The following DGKI variants were observed in gnomAD, a reference collection of about 807,000 sequenced individuals.
DGKI encodes the protein diacylglycerol kinase iota.
Under a neutral mutation model 147.5 loss-of-function variants are expected in DGKI, and 55 were observed. The ratio of observed to expected loss-of-function variants is 0.37; its 90% confidence interval spans 0.30 to 0.47. The LOEUF (loss-of-function observed/expected upper bound fraction) is 0.47. Ranked by LOEUF, DGKI falls within the 20% of genes least tolerant of loss-of-function variation. The probability of loss-of-function intolerance (pLI) is 1.00; values close to 1 mark genes in which losing one functional copy is unlikely to be tolerated. For synonymous variants in DGKI, 469 were observed against 477.1 expected, an observed-to-expected ratio of 0.98 and a Z score of 0.22; for missense variants, 1,007 against 1,323.8, an observed-to-expected ratio of 0.76 and a Z score of 3.71.
chr7:137,830,757 C>T (rs957920320), intron 1 of DGKI, among the ~76,000 whole-genome samples: 3 of 152,132 alleles, frequency 2.0e-5, no homozygotes, highest in African/African-American at 7.2e-5. Context: ...GAATGTCCTC[C>T]AGAACTACAG....
intron 1 of DGKI, among the ~76,000 whole-genome samples, chr7:137,709,282 T>C (rs1327987353): frequency 6.6e-6 from 1 of 152,170 alleles, no homozygotes; most frequent in African/African-American, 2.4e-5. Flanking sequence ...GGCCACTGGG[T>C]ACTGGGAGTC....
chr7:137,471,226 A>G (rs1233197057), intron 23 of DGKI, among the ~76,000 whole-genome samples: 1 of 152,132 alleles, frequency 6.6e-6, no homozygotes, highest in Non-Finnish European at 1.5e-5. Flanking sequence ...TCTGTGGGGA[A>G]GACACTGGGA....
chr7:137,640,384 G>A (rs932041765), intron 6 of DGKI, among the ~76,000 whole-genome samples: 4 of 152,088 alleles, frequency 2.6e-5, no homozygotes, highest in Non-Finnish European at 1.5e-5. Flanking sequence ...AGTCATGTGG[G>A]CAGGGGCTTT....
At chr7:137,633,851 T>C (rs995104390) in intron 6 of DGKI, among the ~76,000 whole-genome samples, 2 of 152,254 alleles carry the variant, frequency 1.3e-5, no homozygotes, top group East Asian at 3.8e-4. Flanking sequence ...TCAACTCTTC[T>C]GAATGTTATC....
At chr7:137,698,458 T>C (rs544634140) in intron 1 of DGKI, among the ~76,000 whole-genome samples, 32 of 152,242 alleles carry the variant, frequency 2.1e-4, no homozygotes, top group African/African-American at 6.3e-4. Context: ...TGGAGCTGGA[T>C]TGCCCCAATT....
chr7:137,589,061 T>C (rs541290411), intron 12 of DGKI, among the ~76,000 whole-genome samples: 1 of 152,298 alleles, frequency 6.6e-6, no homozygotes, highest in South Asian at 2.1e-4. Flanking sequence ...CTTCTGGATA[T>C]GGCCAGACCC....
At chr7:137,425,811 G>T (rs1032961893) in intron 28 of DGKI, among the ~76,000 whole-genome samples, 3 of 152,198 alleles carry the variant, frequency 2.0e-5, no homozygotes, top group African/African-American at 7.2e-5. Context: ...GATGGAAGAT[G>T]AAGTGAATGA....
At chr7:137,447,216 T>C (rs1813751128) in intron 27 of DGKI, among the ~76,000 whole-genome samples, 1 of 152,246 alleles carries the variant, frequency 6.6e-6, no homozygotes, top group Non-Finnish European at 1.5e-5. Flanking sequence ...ATCATTATTA[T>C]TCAGGTTTGA....
intron 20 of DGKI, among the ~76,000 whole-genome samples, chr7:137,527,955 G>C (rs556974882): frequency 4.1e-4 from 62 of 152,272 alleles, no homozygotes; most frequent in African/African-American, 1.4e-3. Flanking sequence ...CAGTGTGAAA[G>C]GCTATGAATT....
At chr7:137,401,744 T>C (rs1228192458) in intron 30 of DGKI, among the ~76,000 whole-genome samples, 3 of 152,214 alleles carry the variant, frequency 2.0e-5, no homozygotes, top group Non-Finnish European at 4.4e-5. Context: ...CAGGGTTTAC[T>C]GAAATGTCCA....
intron 1 of DGKI, among the ~76,000 whole-genome samples, chr7:137,745,853 G>A (rs372077802): frequency 1.3e-5 from 2 of 152,134 alleles, no homozygotes; most frequent in African/African-American, 4.8e-5. Context: ...CGTGAAGAAG[G>A]AAAAATAAAT....
intron 13 of DGKI, among the ~76,000 whole-genome samples, chr7:137,586,704 C>A (rs1294332164): frequency 6.6e-6 from 1 of 152,052 alleles, no homozygotes; most frequent in Non-Finnish European, 1.5e-5. Flanking sequence ...AGTCATAACT[C>A]TCCCAAGTAA....
chr7:137,479,874 T>C (rs73169836), intron 23 of DGKI, among the ~76,000 whole-genome samples: 1,587 of 152,178 alleles, frequency 0.01, 20 homozygotes, highest in Non-Finnish European at 0.018. Flanking sequence ...TGCATACAAA[T>C]AGGTATGTAT....
At chr7:137,452,242 A>G (rs865848607) in intron 27 of DGKI, among the ~76,000 whole-genome samples, 1 of 152,336 alleles carries the variant, frequency 6.6e-6, no homozygotes, top group East Asian at 1.9e-4. Context: ...TTAAATAGGC[A>G]CAAGAGCATA....
intron 21 of DGKI, among the ~76,000 whole-genome samples, chr7:137,517,281 AAG>A: frequency 1.4e-5 from 1 of 70,664 alleles, no homozygotes; most frequent in Non-Finnish European, 3.0e-5. Flanking sequence ...AGAAAAGAAA[AAG>A]AAAGAAAGAA....
chr7:137,454,225 G>T (rs1814092906), intron 27 of DGKI, among the ~76,000 whole-genome samples: 1 of 152,080 alleles, frequency 6.6e-6, no homozygotes, highest in South Asian at 2.1e-4. Context: ...AAAAAATCAT[G>T]TTGTACACAA....
intron 6 of DGKI, among the ~76,000 whole-genome samples, chr7:137,638,771 TAC>T (rs1014063220): frequency 5.8e-4 from 87 of 150,628 alleles, no homozygotes; most frequent in African/African-American, 1.2e-3. Context: ...ATATATTTTA[TAC>T]AGAGATATTT....
chr7:137,800,489 T>G (rs1029241237), intron 1 of DGKI, among the ~76,000 whole-genome samples: 1 of 152,100 alleles, frequency 6.6e-6, no homozygotes. Flanking sequence ...AGACACCTGC[T>G]CCCTCTTCGA....
At chr7:137,597,940 AG>A (rs1819855672) in intron 11 of DGKI, 33 bp from the exon 12 acceptor site, 1 of 1,596,810 alleles carries the variant, frequency 6.3e-7, no homozygotes, top group Admixed American at 1.7e-5. Flanking sequence ...AGTAAACAAA[AG>A]AACATTTCAC....
Sources: gnomAD v4.1 joint callset for allele counts (sites outside exome capture counted in the v4.1 genomes callset) on GRCh38, gnomAD v4.1.1 for gene constraint, MANE v1.5 for transcripts, NCBI Gene and HGNC (gene_info 2026-07-23, HGNC 2026-07-21) for gene names.